TAB2: variants seen among roughly 807,000 people sequenced by gnomAD.
TAB2 encodes the protein TGF-beta-activated kinase 1 and MAP3K7-binding protein 2.
In TAB2, 3 loss-of-function variants were observed where a neutral mutation model predicts 65.0. The ratio of observed to expected loss-of-function variants is 0.05; its 90% CI spans 0.02 to 0.12. TAB2 has a LOEUF of 0.12. Among genes scored for constraint, TAB2 ranks in the 10% least tolerant of loss-of-function variants. TAB2 has a pLI of 1.00. For synonymous variants in TAB2, 298 were observed against 285.1 expected (o/e 1.05, Z -0.46); for missense variants, 623 against 840.3 (o/e 0.74, Z 3.20).
chr6:149,403,371 CACAT>C lies in TAB2; in HGVS notation c.1939+4191_1939+4194del, dbSNP rs1284992767. Among the ~76,000 whole-genome samples, 38 of 127,756 alleles carry C rather than the reference CACAT, an allele frequency of 3.0e-4. 1 individual carries two copies. The highest frequency in any genetic ancestry group is 2.0e-3 in the South Asian group (8 of 3,954). The allele number at this position is 127,756 out of a possible 152,430, so 83.8% of individuals were successfully genotyped here. On this transcript the variant is annotated intron_variant, in intron 6 of 6. Coordinates refer to ENST00000637181, the MANE Select transcript of TAB2 (RefSeq NM_001292034.3). ...ACACACACACACACACACACACACA[CACAT>C]ACACATACACATATAGAAGGAACTT... is the stretch of plus-strand genomic sequence containing the variant.
intron 1 of TAB2, chr6:149,291,750 A>G (rs981102154): frequency 9.2e-5 from 14 of 152,428 alleles, no homozygotes; most frequent in African/African-American, 3.1e-4. Flanking sequence ...AATCCCAGCT[A>G]CTCAGGTGGC....
At position 149,409,597 on chromosome 6, in the gene TAB2, A is replaced by C. The variant is rs1243002002; in HGVS notation, c.1960A>C (p.Thr654Pro). Residue 654 changes from threonine (T) to proline (P), a missense_variant, in exon 7 of 7, where the codon ACA becomes CCA. By Grantham distance (38) the Thr-to-Pro change is conservative (BLOSUM62 -1). Coordinates refer to ENST00000637181, the MANE Select transcript of TAB2 (RefSeq NM_001292034.3). ...KPKDQRSIIK[T>P]PKTQDTEDDE... is the part of the protein sequence containing the mutation. ...TACAGATCAAAGGTCCATCATCAAA[A>C]CACCAAAGACTCAAGACACAGAAGA... 2 of 1,613,980 alleles carry C rather than the reference A, an allele frequency of 1.2e-6. No individual in the cohort carries two copies. The highest frequency in any genetic ancestry group is 2.7e-5 in the African/African-American group (2 of 74,926).
intron 3 of TAB2, among the ~76,000 whole-genome samples, chr6:149,394,409 T>G (rs2114933396): frequency 6.6e-6 from 1 of 152,306 alleles, no homozygotes; most frequent in African/African-American, 2.4e-5. Context: ...TAATTCCAGC[T>G]GCATCATCTT....
chr6:149,369,808 AAGTG>A (rs1781160112), intron 1 of TAB2, 97 bp from the exon 2 acceptor site: 8 of 613,662 alleles, frequency 1.3e-5, no homozygotes, highest in Admixed American at 8.7e-5. Context: ...TTATAATGTT[AAGTG>A]CTAAAGCACA....
chr6:149,272,227 G>C (rs536730919), intron 1 of TAB2, among the ~76,000 whole-genome samples: 5 of 152,198 alleles, frequency 3.3e-5, no homozygotes, highest in African/African-American at 4.8e-5. Flanking sequence ...CCCCAGATGG[G>C]ATGACCAACA....
At position 149,274,328 on chromosome 6, in the gene TAB2, A is replaced by T. The variant is rs58352086; in HGVS notation, c.-121+55552A>T. Among the ~76,000 whole-genome samples the T allele has an allele frequency of 1.8e-4, 27 of 152,396 alleles. No individual in the cohort carries two copies. The East Asian group carries it at 5.2e-3, about 29-fold the overall frequency. ...TCTCAGTAACGGAGTCACAGACTCT[A>T]CAACCACATAGAAAATGTTTCTCTT... On this transcript the variant is annotated intron_variant, in intron 1 of 1. Transcript: ENST00000606202.
intron 1 of TAB2, among the ~76,000 whole-genome samples, chr6:149,264,157 G>A (rs1021593603): frequency 3.9e-5 from 6 of 152,196 alleles, no homozygotes; most frequent in Admixed American, 1.3e-4. Flanking sequence ...GAGGAGTCAC[G>A]TTTTAGCCTC....
At position 149,392,146 on chromosome 6, in the gene TAB2, G is replaced by T. The variant is rs533200535; in HGVS notation, c.1604-5458G>T. On this transcript the variant is annotated intron_variant, in intron 3 of 6. Coordinates refer to ENST00000637181, the MANE Select transcript of TAB2 (RefSeq NM_001292034.3). ...ATTTTATTTTTTTTTGGCAGGGGGC[G>T]GGGGGGCGGGGGTGGACAGAGTCTC... Among the ~76,000 whole-genome samples, 13 of 137,214 alleles carry T rather than the reference G, an allele frequency of 9.5e-5. No homozygotes were observed. The South Asian group carries it at 3.1e-3, about 32-fold the overall frequency. 90.0% of individuals were successfully genotyped at this position (137,214 alleles called of 152,430 possible).
At chr6:149,286,505 C>G (rs981279942) in intron 1 of TAB2, among the ~76,000 whole-genome samples, 1 of 152,186 alleles carries the variant, frequency 6.6e-6, no homozygotes, top group Admixed American at 6.5e-5. Context: ...CGAACTGGTT[C>G]AAACTTTTTG....
chr6:149,404,036 A>G (rs1782577159), intron 6 of TAB2, among the ~76,000 whole-genome samples: 1 of 152,160 alleles, frequency 6.6e-6, no homozygotes, highest in Non-Finnish European at 1.5e-5. Flanking sequence ...GAGGAAGTAA[A>G]ATTATCTGTT....
At chr6:149,284,693 C>CACAA (rs1778638142) in intron 1 of TAB2, among the ~76,000 whole-genome samples, 1 of 138,862 alleles carries the variant, frequency 7.2e-6, no homozygotes, top group Non-Finnish European at 1.6e-5. Context: ...CACACACACA[C>CACAA]AAGAATATAA....
intron 1 of TAB2, among the ~76,000 whole-genome samples, chr6:149,249,737 C>T (rs1015853195): frequency 6.6e-6 from 1 of 152,148 alleles, no homozygotes; most frequent in Non-Finnish European, 1.5e-5. Context: ...TGTGCAGATG[C>T]GTCTCCTGCC....
At chr6:149,299,451 A>G (rs920529215) in intron 1 of TAB2, among the ~76,000 whole-genome samples, 1 of 152,212 alleles carries the variant, frequency 6.6e-6, no homozygotes, top group African/African-American at 2.4e-5. Flanking sequence ...GCAGGCCTGT[A>G]GTCCCAGCTA....
chr6:149,315,495 G>C (rs1779233454), upstream of TAB2, among the ~76,000 whole-genome samples: 5 of 152,082 alleles, frequency 3.3e-5, no homozygotes, highest in Admixed American at 3.3e-4. Context: ...TATAAACAAG[G>C]ATATTCTCAT....
intron 1 of TAB2, among the ~76,000 whole-genome samples, chr6:149,323,212 A>G (rs754975737): frequency 6.6e-4 from 101 of 152,298 alleles, no homozygotes; most frequent in Admixed American, 1.6e-3. Flanking sequence ...ATCATTATGC[A>G]AAGTCTCTTA....
intron 3 of TAB2, among the ~76,000 whole-genome samples, chr6:149,388,419 T>C (rs1422295474): frequency 6.6e-6 from 1 of 152,226 alleles, no homozygotes; most frequent in Non-Finnish European, 1.5e-5. Flanking sequence ...GGAAGGACAC[T>C]AATGACTGCC....
At chr6:149,356,434 T>C (rs1780654865) in intron 1 of TAB2, among the ~76,000 whole-genome samples, 1 of 152,220 alleles carries the variant, frequency 6.6e-6, no homozygotes, top group African/African-American at 2.4e-5. Flanking sequence ...CTAGGTAGCT[T>C]ATAAACAGCA....
intron 1 of TAB2, among the ~76,000 whole-genome samples, chr6:149,320,305 G>C (rs140389099): frequency 2.1e-4 from 32 of 152,302 alleles, no homozygotes; most frequent in African/African-American, 7.0e-4. Context: ...TCGAACTCCT[G>C]ACCTTAGGTG....
intron 1 of TAB2, among the ~76,000 whole-genome samples, chr6:149,344,161 A>C (rs909889176): frequency 6.6e-6 from 1 of 152,214 alleles, no homozygotes; most frequent in Admixed American, 6.5e-5. Flanking sequence ...GGGAGCTACT[A>C]GTTAGGGTCA....
Sources: allele counts gnomAD v4.1 joint callset (sites outside exome capture counted in the v4.1 genomes callset), GRCh38; gene constraint gnomAD v4.1.1; transcripts MANE v1.5; gene names NCBI Gene and HGNC (gene_info 2026-07-23, HGNC 2026-07-21).